Variants in COL19A1 observed in about 807,000 individuals in gnomAD.
COL19A1 encodes the protein collagen alpha-1(XIX) chain.
Under a neutral mutation model 190.2 loss-of-function variants are expected in COL19A1, and 159 were observed. The observed-to-expected ratio is 0.84, with a 90% CI of 0.73 to 0.95. The LOEUF (loss-of-function observed/expected upper bound fraction) is 0.95. Ranked by LOEUF, COL19A1 falls within the 40% of genes least tolerant of loss-of-function variation. COL19A1 has a pLI of 0.00. For synonymous variants in COL19A1, 509 were observed against 458.9 expected, an observed-to-expected ratio of 1.11 and a Z score of -1.39; for missense variants, 1,418 against 1,431.9, an observed-to-expected ratio of 0.99 and a Z score of 0.16.
At chr6:70,008,201 A>G (rs1006471488) in intron 11 of COL19A1, among the ~76,000 whole-genome samples, 5 of 151,906 alleles carry the variant, frequency 3.3e-5, no homozygotes, top group African/African-American at 1.2e-4. Flanking sequence ...TAAAATAAAA[A>G]TGGGAAAAAA....
chr6:69,950,047 C>T (rs959934469), intron 9 of COL19A1, among the ~76,000 whole-genome samples: 3 of 151,816 alleles, frequency 2.0e-5, no homozygotes, highest in African/African-American at 7.3e-5. Context: ...ATTAACTATA[C>T]TTTACACTTA....
intron 16 of COL19A1, among the ~76,000 whole-genome samples, chr6:70,120,980 C>T (rs2150210921): frequency 6.6e-6 from 1 of 152,214 alleles, no homozygotes; most frequent in African/African-American, 2.4e-5. Context: ...TATAATGGTG[C>T]TGTTTGATTT....
chr6:69,961,833 A>G (rs1034937831), intron 10 of COL19A1, among the ~76,000 whole-genome samples: 2 of 152,186 alleles, frequency 1.3e-5, no homozygotes, highest in African/African-American at 4.8e-5. Context: ...ATACTCACAA[A>G]CTAAATATGT....
At chr6:69,983,127 T>C (rs1776140479) in intron 11 of COL19A1, among the ~76,000 whole-genome samples, 1 of 152,042 alleles carries the variant, frequency 6.6e-6, no homozygotes, top group Admixed American at 6.6e-5. Context: ...GGAATTTACC[T>C]TGCAATAGTA....
At chr6:69,941,455 T>C (rs904522508) in intron 9 of COL19A1, among the ~76,000 whole-genome samples, 4 of 152,208 alleles carry the variant, frequency 2.6e-5, no homozygotes, top group Non-Finnish European at 4.4e-5. Flanking sequence ...CATTTGTGGC[T>C]TGATGAAGAA....
chr6:70,072,959 TTTTATTTATTTATTTATTTA>T (rs70987496), intron 15 of COL19A1, among the ~76,000 whole-genome samples: 115 of 144,104 alleles, frequency 8.0e-4, no homozygotes, highest in African/African-American at 1.5e-3. Context: ...ATTGCCTGAA[TTTTATTTATTTATTTATTTA>T]TTTATTTATT....
intron 1 of COL19A1, among the ~76,000 whole-genome samples, chr6:69,866,949 T>A (rs1485186882): frequency 6.6e-6 from 1 of 152,048 alleles, no homozygotes; most frequent in Non-Finnish European, 1.5e-5. Flanking sequence ...AAGTTCTAGG[T>A]GGTTTTTCTG....
intron 15 of COL19A1, among the ~76,000 whole-genome samples, chr6:70,097,487 G>A (rs1020892098): frequency 1.3e-5 from 2 of 150,760 alleles, no homozygotes; most frequent in Admixed American, 6.6e-5. Flanking sequence ...TCCTGAGGAG[G>A]ATTGTTTGAG....
rs763634489 is a variant in COL19A1 at position 70,121,915 on chromosome 6, T to C, written c.1314T>C (p.Leu438=). ...GAATACAAGGAATACACCAAACTCTTGGTGGATATTATAACAAGGATAACA... is the reference window on the plus strand; with the variant it reads ...GAATACAAGGAATACACCAAACTCTCGGTGGATATTATAACAAGGATAACA... The part of the protein sequence containing the change: ...PPGIQGIHQT[L]GGYYNKDNKG... The change falls in exon 17 of 51, where the codon CTT becomes CTC. Residue 438 remains leucine (L), a synonymous_variant. Transcript: ENST00000620364. 4 of 1,591,362 alleles carry C rather than the reference T, an allele frequency of 2.5e-6. No individual in the cohort carries two copies. The highest frequency in any genetic ancestry group is 3.4e-6 in the Non-Finnish European group (4 of 1,170,452).
intron 9 of COL19A1, among the ~76,000 whole-genome samples, chr6:69,950,884 A>T (rs756381833): frequency 6.6e-6 from 1 of 151,920 alleles, no homozygotes; most frequent in East Asian, 1.9e-4. Flanking sequence ...TACTTCACTT[A>T]TGTATTTAAA....
At chr6:70,017,832 G>A (rs186023423) in intron 11 of COL19A1, among the ~76,000 whole-genome samples, 114 of 152,250 alleles carry the variant, frequency 7.5e-4, no homozygotes, top group African/African-American at 2.7e-3. Context: ...AAAGGTGTCT[G>A]ATGGTGGTCA....
chr6:70,140,291 A>G (rs1786162095), intron 19 of COL19A1, among the ~76,000 whole-genome samples: 1 of 152,054 alleles, frequency 6.6e-6, no homozygotes, highest in Admixed American at 6.6e-5. Context: ...CTTATAATAT[A>G]TATTACAATG....
intron 4 of COL19A1, among the ~76,000 whole-genome samples, chr6:69,922,484 T>G (rs1475132410): frequency 6.9e-6 from 1 of 145,156 alleles, no homozygotes; most frequent in African/African-American, 2.5e-5. Flanking sequence ...TAGGTTTTTT[T>G]TTTTTTTTTT....
intron 1 of COL19A1, among the ~76,000 whole-genome samples, chr6:69,869,133 C>T (rs1008166527): frequency 6.6e-5 from 10 of 151,990 alleles, no homozygotes; most frequent in African/African-American, 2.2e-4. Context: ...GAATAACTAG[C>T]TTAGCAGAAG....
At chr6:69,978,618 A>G (rs1249501102) in intron 11 of COL19A1, among the ~76,000 whole-genome samples, 1 of 151,808 alleles carries the variant, frequency 6.6e-6, no homozygotes, top group East Asian at 1.9e-4. Flanking sequence ...ATAGTGTCAA[A>G]TCTGGTTATT....
At chr6:69,926,524 G>T (rs997131347) in intron 4 of COL19A1, among the ~76,000 whole-genome samples, 4 of 152,032 alleles carry the variant, frequency 2.6e-5, no homozygotes, top group East Asian at 1.9e-4. Flanking sequence ...TACAGGAGGG[G>T]TTCAAGAACT....
intron 11 of COL19A1, among the ~76,000 whole-genome samples, chr6:69,977,444 T>A (rs1775783914): frequency 6.6e-6 from 1 of 151,038 alleles, no homozygotes; most frequent in Admixed American, 6.6e-5. Context: ...GGGGGAGCGA[T>A]AGCATTAGGA....
At chr6:70,068,054 A>G (rs1283546292) in intron 14 of COL19A1, among the ~76,000 whole-genome samples, 2 of 152,094 alleles carry the variant, frequency 1.3e-5, no homozygotes, top group African/African-American at 4.8e-5. Flanking sequence ...CAAAAATATA[A>G]TTTTATTTAT....
intron 11 of COL19A1, among the ~76,000 whole-genome samples, chr6:69,990,619 C>T (rs1008403071): frequency 2.0e-5 from 3 of 151,920 alleles, no homozygotes; most frequent in African/African-American, 7.2e-5. Flanking sequence ...CTGGATTTGC[C>T]AACTGCAGTT....
Sources: allele counts gnomAD v4.1 joint callset (sites outside exome capture counted in the v4.1 genomes callset), GRCh38; gene constraint gnomAD v4.1.1; transcripts MANE v1.5; gene names NCBI Gene and HGNC (gene_info 2026-07-23, HGNC 2026-07-21).